The following MAPK6 variants were observed in gnomAD, a reference collection of about 807,000 sequenced individuals.
MAPK6 encodes ERK-3.
Under a neutral mutation model 59.3 loss-of-function variants are expected in MAPK6, and 19 were observed. The observed-to-expected ratio is 0.32, with a 90% CI of 0.22 to 0.47. The LOEUF (loss-of-function observed/expected upper bound fraction) is 0.47. Ranked by LOEUF, MAPK6 falls within the 20% of genes least tolerant of loss-of-function variation. The probability of loss-of-function intolerance (pLI) is 1.00; values close to 1 mark genes in which losing one functional copy is unlikely to be tolerated. For synonymous variants in MAPK6, 316 were observed against 290.3 expected (o/e 1.09, Z -0.90); for missense variants, 724 against 847.9 (o/e 0.85, Z 1.81).
Position 52,065,884 on chromosome 15 carries a change from G to T in MAPK6, c.*884G>T, listed in dbSNP as rs991723932. The T allele has an allele frequency of 2.6e-5, 4 of 152,464 alleles. No homozygotes were observed. Among genetic ancestry groups the T allele is most frequent in the Non-Finnish European group, 5.9e-5 (4 of 68,008 alleles). The allele number at this position is 152,464 out of a possible 1,614,324, so 9.4% of individuals were successfully genotyped here. ...ACGTGCTCACTGTGTATAGGAATTT[G>T]TATTTTGGAGGTGCTTGATCTATCT... is the stretch of plus-strand genomic sequence containing the variant. On this transcript the variant is annotated 3_prime_UTR_variant, in exon 6 of 6. Transcript: ENST00000261845.
In MAPK6 at chr15:52,066,257, G is replaced by A. The variant is rs2032419516; in HGVS notation, c.*1257G>A. ...AAAAAGGACAAATAAAACATGGCCA[G>A]CAAATACAGCTCCTGTTTCACTCTT... On this transcript the variant is annotated 3_prime_UTR_variant, in exon 6 of 6. Transcript: ENST00000261845. The A allele has an allele frequency of 6.6e-6, 1 of 152,228 alleles. No individual in the cohort carries two copies. Among genetic ancestry groups the A allele is most frequent in the South Asian group, 2.1e-4 (1 of 4,830 alleles). The allele number at this position is 152,228 out of a possible 1,614,324, so 9.4% of individuals were successfully genotyped here.
intron 3 of MAPK6, chr15:52,011,128 G>A (rs549463530): frequency 1.3e-5 from 2 of 152,294 alleles, no homozygotes; most frequent in East Asian, 3.9e-4. Context: ...CACCCTACGG[G>A]AACGTTGCCA....
chr15:52,031,277 T>C (rs1197230787), intron 1 of MAPK6, among the ~76,000 whole-genome samples: 1 of 152,008 alleles, frequency 6.6e-6, no homozygotes, highest in African/African-American at 2.4e-5. Flanking sequence ...ACTCAAAAGG[T>C]TGGGGAGTGA....
chr15:51,985,851 G>C (rs796858001), intron 2 of MAPK6, among the ~76,000 whole-genome samples: 4 of 151,342 alleles, frequency 2.6e-5, no homozygotes, highest in Admixed American at 6.6e-5. Flanking sequence ...CCAGCTACTC[G>C]GGAGGCTGAG....
chr15:52,006,782 T>C (rs2057260231), intron 3 of MAPK6, among the ~76,000 whole-genome samples: 1 of 152,110 alleles, frequency 6.6e-6, no homozygotes, highest in Non-Finnish European at 1.5e-5. Flanking sequence ...TTATGACTTA[T>C]TAATAGCGTC....
intron 1 of MAPK6, among the ~76,000 whole-genome samples, chr15:51,976,096 C>T (rs1298272191): frequency 6.6e-6 from 1 of 151,406 alleles, no homozygotes; most frequent in East Asian, 1.9e-4. Context: ...GAAACCCCAT[C>T]TGTACTAAAA....
At chr15:51,976,462 A>G (rs1436843303) in intron 1 of MAPK6, among the ~76,000 whole-genome samples, 2 of 151,700 alleles carry the variant, frequency 1.3e-5, no homozygotes. Flanking sequence ...AACTCAAACA[A>G]GAACATTGAC....
intron 1 of MAPK6, chr15:52,027,660 C>T (rs1253012137): frequency 6.7e-6 from 1 of 149,502 alleles, no homozygotes; most frequent in Non-Finnish European, 1.5e-5. Flanking sequence ...CTGTGTTGCC[C>T]AGGCTGGGCT....
Position 52,046,544 on chromosome 15 carries a change from T to C in MAPK6, c.84T>C (p.Cys28=). 6.2e-7 allele frequency: 1 copy of C among 1,614,012 alleles called. No individual in the cohort carries two copies. The highest frequency in any genetic ancestry group is 1.7e-5 in the Admixed American group (1 of 60,016). ...ATATGGACTTAAAACCATTGGGTTG[T>C]GGAGGCAATGGCTTGGTTTTTTCTG... ...SRYMDLKPLG[C]GGNGLVFSAV... Residue 28 remains cysteine, a synonymous_variant, in exon 2 of 6, where the codon TGT becomes TGC. Transcript: ENST00000261845.
chr15:52,009,740 G>A lies in MAPK6; in HGVS notation c.-632+5338G>A, dbSNP rs575773084. 1.2e-4 allele frequency among the ~76,000 whole-genome samples: 18 copies of A among 152,194 alleles called. No individual in the cohort carries two copies. The South Asian group carries it at 2.7e-3, about 23-fold the overall frequency. On this transcript the variant is annotated intron_variant, in intron 3 of 7. Coordinates refer to the MAPK6 transcript ENST00000691380. Reference sequence around the variant, plus strand: ...TCTCAGAAATTGATTTTATTACAAGGAAAGCCAGGTTTTGTCTAAAATATT... The same window carrying A: ...TCTCAGAAATTGATTTTATTACAAGAAAAGCCAGGTTTTGTCTAAAATATT...
At position 52,061,285 on chromosome 15, in the gene MAPK6, C is replaced by G; in HGVS notation, c.866-14C>G. ...CAATTCTTTTCTGAAAAACTTTTAC[C>G]TTTTCCTCTGCAGCACTGGATTTCC... On this transcript the variant is annotated splice_polypyrimidine_tract_variant and intron_variant, in intron 4 of 5. Coordinates refer to ENST00000261845, the MANE Select transcript of MAPK6 (RefSeq NM_002748.4). 1 of 1,607,408 alleles carries G rather than the reference C, an allele frequency of 6.2e-7. No homozygotes were observed. Among genetic ancestry groups the G allele is most frequent in the Non-Finnish European group, 8.5e-7 (1 of 1,175,226 alleles).
At chr15:52,060,726 G>T (rs1390400372) in intron 4 of MAPK6, among the ~76,000 whole-genome samples, 1 of 152,200 alleles carries the variant, frequency 6.6e-6, no homozygotes, top group Non-Finnish European at 1.5e-5. Context: ...CAAGGTCAGT[G>T]TGTGAACTAT....
chr15:52,028,614 A>G (rs1257228315), intron 1 of MAPK6, among the ~76,000 whole-genome samples: 2 of 152,254 alleles, frequency 1.3e-5, no homozygotes, highest in East Asian at 3.8e-4. Context: ...TTCAGTAGCC[A>G]TATATGGTGC....
intron 1 of MAPK6, among the ~76,000 whole-genome samples, chr15:52,030,923 C>T (rs1396844040): frequency 2.6e-5 from 4 of 151,834 alleles, no homozygotes; most frequent in South Asian, 2.1e-4. Flanking sequence ...TCCTGAGTGG[C>T]TGGGATTACA....
intron 1 of MAPK6, among the ~76,000 whole-genome samples, chr15:52,043,333 T>G (rs980605016): frequency 6.6e-6 from 1 of 152,152 alleles, no homozygotes; most frequent in African/African-American, 2.4e-5. Context: ...AATCTTGCTC[T>G]TTTGCCCAGG....
chr15:51,999,884 T>G (rs1271371720), intron 2 of MAPK6, among the ~76,000 whole-genome samples: 1 of 152,074 alleles, frequency 6.6e-6, no homozygotes, highest in Non-Finnish European at 1.5e-5. Context: ...GCTCAGGTAA[T>G]CTGCCTGTCT....
chr15:52,043,742 A>ATTTTTTTTTTTTTTTTTTTT (rs71130125), intron 1 of MAPK6, among the ~76,000 whole-genome samples: 1 of 40,658 alleles, frequency 2.5e-5, no homozygotes, highest in Non-Finnish European at 4.4e-5. Context: ...AAGTTGTTTG[A>ATTTTTTTTTTTTTTTTTTTT]TTTTTTTTTT....
At chr15:52,000,291 T>C (rs2057238527) in intron 2 of MAPK6, among the ~76,000 whole-genome samples, 1 of 152,186 alleles carries the variant, frequency 6.6e-6, no homozygotes, top group South Asian at 2.1e-4. Flanking sequence ...TTTTCATTTA[T>C]ATGAAGTCCA....
chr15:51,987,043 A>T (rs928245740), intron 2 of MAPK6, among the ~76,000 whole-genome samples: 2 of 152,220 alleles, frequency 1.3e-5, no homozygotes, highest in Non-Finnish European at 2.9e-5. Context: ...CCACTGCTGT[A>T]ATATTTATAA....
Sources: allele counts gnomAD v4.1 joint callset (sites outside exome capture counted in the v4.1 genomes callset), GRCh38; gene constraint gnomAD v4.1.1; transcripts MANE v1.5; gene names NCBI Gene and HGNC (gene_info 2026-07-23, HGNC 2026-07-21).